The following ULK4 variants were observed in gnomAD, a reference collection of about 807,000 sequenced individuals.
ULK4 encodes the protein unc-51 like kinase 4, also known as inactive serine/threonine-protein kinase ULK4.
Under a neutral mutation model 160.6 loss-of-function variants are expected in ULK4, and 133 were observed. That is an observed-to-expected ratio of 0.83 (90% CI 0.72 to 0.96). The LOEUF (loss-of-function observed/expected upper bound fraction) is 0.96, where lower values mean the gene tolerates loss of function less well. Ranked by LOEUF, ULK4 falls within the 40% of genes least tolerant of loss-of-function variation. The pLI, the probability that ULK4 is intolerant of heterozygous loss-of-function variation, is 0.00. For missense variants in ULK4, 1,580 were observed against 1,499.5 expected (o/e 1.05, Z -0.89); for synonymous variants, 534 against 539.8 (o/e 0.99, Z 0.15).
chr3:41,399,293 C>T (rs928419626), intron 34 of ULK4, among the ~76,000 whole-genome samples: 15 of 152,020 alleles, frequency 9.9e-5, no homozygotes, highest in African/African-American at 3.6e-4. Flanking sequence ...TGGCCATTTG[C>T]GTATCTTTGG....
intron 30 of ULK4, among the ~76,000 whole-genome samples, chr3:41,642,289 T>C (rs1316408535): frequency 6.6e-6 from 1 of 152,134 alleles, no homozygotes; most frequent in Admixed American, 6.5e-5. Context: ...ACTCCACCTA[T>C]TAACTCGTCA....
chr3:41,913,856 G>A (rs543083802), intron 8 of ULK4, among the ~76,000 whole-genome samples: 1 of 152,104 alleles, frequency 6.6e-6, no homozygotes, highest in Admixed American at 6.6e-5. Context: ...CCAGCTACTT[G>A]GGAGGCTGAG....
At chr3:41,759,658 A>G (rs1160407425) in intron 21 of ULK4, among the ~76,000 whole-genome samples, 2 of 152,284 alleles carry the variant, frequency 1.3e-5, no homozygotes, top group East Asian at 3.9e-4. Context: ...AGGTAAATAA[A>G]AACTAGAATA....
chr3:41,256,115 A>G (rs922881881), intron 35 of ULK4, among the ~76,000 whole-genome samples: 3 of 152,198 alleles, frequency 2.0e-5, no homozygotes, highest in African/African-American at 7.2e-5. Flanking sequence ...TATAATAAAA[A>G]TTTCTTCCAA....
Position 41,508,302 on chromosome 3 carries a change from A to G in ULK4, c.3227-45049T>C, listed in dbSNP as rs955497077. Among the ~76,000 whole-genome samples the G allele has an allele frequency of 4.0e-4, 61 of 152,092 alleles. 1 individual carries two copies. The highest frequency in any genetic ancestry group is 1.3e-4 in the Admixed American group (2 of 15,266). On this transcript the variant is annotated intron_variant, in intron 32 of 36. Coordinates refer to ENST00000301831, the MANE Select transcript of ULK4 (RefSeq NM_017886.4). ...GCAAGCCCTGCCCAAGGAGAGTCTG[A>G]GCTCAGACATGCCTATACCTGCCTC...
intron 35 of ULK4, among the ~76,000 whole-genome samples, chr3:41,298,713 G>A (rs2079722489): frequency 6.6e-6 from 1 of 152,196 alleles, no homozygotes; most frequent in South Asian, 2.1e-4. Context: ...GTCATAGAGA[G>A]TCAAACAGAA....
chr3:41,847,406 A>C (rs1001679461), intron 17 of ULK4, among the ~76,000 whole-genome samples: 1 of 152,242 alleles, frequency 6.6e-6, no homozygotes, highest in South Asian at 2.1e-4. Flanking sequence ...AAACTGAATT[A>C]ATCTCCTGAC....
At chr3:41,951,719 T>C (rs1277964150) in intron 2 of ULK4, among the ~76,000 whole-genome samples, 2 of 152,194 alleles carry the variant, frequency 1.3e-5, no homozygotes, top group African/African-American at 4.8e-5. Flanking sequence ...AAACCTAATG[T>C]CCACTGTGGT....
intron 34 of ULK4, among the ~76,000 whole-genome samples, chr3:41,455,182 G>A (rs1258408119): frequency 6.6e-6 from 1 of 152,122 alleles, no homozygotes; most frequent in Non-Finnish European, 1.5e-5. Flanking sequence ...ATCTTTTTGA[G>A]AAGAAATTGA....
intron 22 of ULK4, 146 bp from the exon 23 acceptor site, chr3:41,718,007 T>C (rs955749833): frequency 1.8e-4 from 163 of 925,088 alleles, no homozygotes; most frequent in Non-Finnish European, 2.3e-4. Context: ...TCGGGCACAA[T>C]TTTTGCCTCA....
At chr3:41,604,442 T>C (rs1422008831) in intron 31 of ULK4, among the ~76,000 whole-genome samples, 1 of 152,098 alleles carries the variant, frequency 6.6e-6, no homozygotes, top group African/African-American at 2.4e-5. Flanking sequence ...AAACAGAATG[T>C]AGGAAGCTTA....
chr3:41,672,112 G>A (rs750846023), intron 29 of ULK4, among the ~76,000 whole-genome samples: 2 of 152,132 alleles, frequency 1.3e-5, no homozygotes, highest in Middle Eastern at 3.4e-3. Context: ...GAATTCTTAC[G>A]CATTGTTGTG....
chr3:41,653,345 TA>T (rs2034816179), intron 30 of ULK4, among the ~76,000 whole-genome samples: 1 of 152,190 alleles, frequency 6.6e-6, no homozygotes, highest in African/African-American at 2.4e-5. Flanking sequence ...AAAACCACAG[TA>T]AAAGTTCTTG....
chr3:41,858,147 G>GT (rs71288052), intron 17 of ULK4, among the ~76,000 whole-genome samples: 18,377 of 90,680 alleles, frequency 0.2, 1,312 homozygotes, highest in Non-Finnish European at 0.28. Flanking sequence ...TTTTTTGTTT[G>GT]TTTTTTTTTT....
intron 17 of ULK4, among the ~76,000 whole-genome samples, chr3:41,881,156 T>C (rs971775576): frequency 6.6e-6 from 1 of 152,108 alleles, no homozygotes; most frequent in Admixed American, 6.6e-5. Flanking sequence ...CCAGATCCCC[T>C]AAAATCATGT....
At chr3:41,416,778 T>C (rs978477198) in intron 34 of ULK4, among the ~76,000 whole-genome samples, 10 of 152,054 alleles carry the variant, frequency 6.6e-5, no homozygotes, top group African/African-American at 2.4e-4. Context: ...ACGTGACCAA[T>C]GTACCTACTT....
intron 35 of ULK4, among the ~76,000 whole-genome samples, chr3:41,336,792 C>T (rs181525278): frequency 6.9e-4 from 105 of 152,208 alleles, no homozygotes; most frequent in African/African-American, 2.4e-3. Flanking sequence ...TTCAAATCAA[C>T]GCTCGCTGTG....
intron 32 of ULK4, among the ~76,000 whole-genome samples, chr3:41,539,490 T>C (rs2086624378): frequency 6.6e-6 from 1 of 152,066 alleles, no homozygotes; most frequent in South Asian, 2.1e-4. Flanking sequence ...ACTACCATAA[T>C]CATTTGTGTG....
intron 5 of ULK4, among the ~76,000 whole-genome samples, chr3:41,922,837 T>C (rs1466784635): frequency 6.6e-6 from 1 of 152,146 alleles, no homozygotes; most frequent in Non-Finnish European, 1.5e-5. Context: ...CTTAGATAGA[T>C]GCCATGCAGT....
Sources: allele counts gnomAD v4.1 joint callset (sites outside exome capture counted in the v4.1 genomes callset), GRCh38; gene constraint gnomAD v4.1.1; transcripts MANE v1.5; gene names NCBI Gene and HGNC (gene_info 2026-07-23, HGNC 2026-07-21).